The following STAT6 variants were observed in gnomAD, a reference collection of about 807,000 sequenced individuals.
The protein encoded by STAT6 is signal transducer and activator of transcription 6.
STAT6 carries 45 observed loss-of-function variants against 106.3 expected under a neutral mutation model. The ratio of observed to expected loss-of-function variants is 0.42; its 90% CI spans 0.33 to 0.54. The LOEUF (loss-of-function observed/expected upper bound fraction) is 0.54. Ranked by LOEUF, STAT6 falls within the 20% of genes least tolerant of loss-of-function variation. The pLI, the probability that STAT6 is intolerant of heterozygous loss-of-function variation, is 0.06. For synonymous variants in STAT6, 413 were observed against 413.6 expected (o/e 1.00, Z 0.02); for missense variants, 797 against 1,062.2 (o/e 0.75, Z 3.47).
In STAT6 at chr12:57,105,346, G is replaced by C. The variant is rs1394000397; in HGVS notation, c.813-7C>G. 6.2e-7 allele frequency: 1 copy of C among 1,613,764 alleles called. No individual in the cohort carries two copies. Among genetic ancestry groups the C allele is most frequent in the South Asian group, 1.1e-5 (1 of 91,060 alleles). Reference sequence around the variant, plus strand: ...CTTCTCCACCAGGAAGCAACTGGGAGTGAGGAGGACACAAGGGGAGTTGGG... The same window carrying C: ...CTTCTCCACCAGGAAGCAACTGGGACTGAGGAGGACACAAGGGGAGTTGGG... On this transcript the variant is annotated splice_polypyrimidine_tract_variant and splice_region_variant and intron_variant, in intron 8 of 21. Coordinates refer to ENST00000300134, the MANE Select transcript of STAT6 (RefSeq NM_003153.5).
chr12:57,107,405 T>C, intron 3 of STAT6, 91 bp from the exon 4 acceptor site: 1 of 1,373,138 alleles, frequency 7.3e-7, no homozygotes, highest in Middle Eastern at 1.8e-4. Context: ...ACACATATAC[T>C]ATAAGGAAGC....
At chr12:57,103,324 T>C (rs538536326) in intron 11 of STAT6, 27 of 157,940 alleles carry the variant, frequency 1.7e-4, no homozygotes, top group South Asian at 3.4e-4. Flanking sequence ...CCACCATGCC[T>C]GGCTAATTTT....
In STAT6 at chr12:57,108,302, G is replaced by C. The variant is rs1326246734; in HGVS notation, c.-21-3C>G. The C allele has an allele frequency of 6.6e-7, 1 of 1,523,892 alleles. No individual in the cohort carries two copies. The highest frequency in any genetic ancestry group is 9.0e-7 in the Non-Finnish European group (1 of 1,106,974). 94.4% of individuals were successfully genotyped at this position (1,523,892 alleles called of 1,614,324 possible). A position where few individuals can be genotyped will look rare whatever the true frequency, so the allele number is the denominator to read the frequency against. On this transcript the variant is annotated splice_region_variant and splice_polypyrimidine_tract_variant and intron_variant, in intron 1 of 21. Transcript: ENST00000300134. ...ATGATCTGGGACTTGGAGGTTGCCT[G>C]GAGGAGAAAAATAAGGCCACTCTGA...
At chr12:57,100,710 GAAAGAAAGAAAGAAAGAA>G (rs2033848108) in intron 13 of STAT6, 15 of 53,288 alleles carry the variant, frequency 2.8e-4, no homozygotes, top group African/African-American at 9.8e-4. Context: ...GAGAAAGAAA[GAAAGAAAGAAAGAAAGAA>G]AGAAAGAAAG....
rs754927495 is a variant in STAT6, at chr12:57,102,820, T to A, written c.1305+9A>T. 3 of 1,611,842 alleles carry A rather than the reference T, an allele frequency of 1.9e-6. No homozygotes were observed. Among genetic ancestry groups the A allele is most frequent in the Non-Finnish European group, 1.7e-6 (2 of 1,178,220 alleles). On this transcript the variant is annotated intron_variant, in intron 12 of 21. Transcript: ENST00000300134. ...CCCCTGTTCCCTCCAACTCCAGGAC[T>A]TTCCTCACCATCTCAGAGAAGGCAT...
rs1412642420 is a variant in STAT6, at chr12:57,106,840, G to T, written c.340-9C>A. On this transcript the variant is annotated splice_polypyrimidine_tract_variant and intron_variant, in intron 4 of 21. Coordinates refer to ENST00000300134, the MANE Select transcript of STAT6 (RefSeq NM_003153.5). ...ATTGGCAAGTGGCGGAACTACACAG[G>T]AAGGACAGATGCCAAGAAGTGAAAC... The T allele has an allele frequency of 2.5e-6, 4 of 1,613,258 alleles. No individual in the cohort carries two copies. The highest frequency in any genetic ancestry group is 2.2e-5 in the East Asian group (1 of 44,900).
intron 1 of STAT6, among the ~76,000 whole-genome samples, chr12:57,109,221 A>G (rs1370176847): frequency 1.3e-5 from 2 of 152,082 alleles, no homozygotes; most frequent in East Asian, 3.8e-4. Context: ...AAATAAATAA[A>G]TGAAATAAAA....
In STAT6 at chr12:57,095,831, T is replaced by C. The variant is rs1167978206; in HGVS notation, c.*741A>G. ...TAGGCAAAAGCAGATAGACACATGT[T>C]CTATGTGGTCATGCAACTAAGGTGC... On this transcript the variant is annotated 3_prime_UTR_variant, in exon 22 of 22. Coordinates refer to ENST00000300134, the MANE Select transcript of STAT6 (RefSeq NM_003153.5). The C allele has an allele frequency of 6.6e-6, 1 of 152,248 alleles. No individual in the cohort carries two copies. Among genetic ancestry groups the C allele is most frequent in the East Asian group, 1.9e-4 (1 of 5,206 alleles). 9.4% of individuals were successfully genotyped at this position (152,248 alleles called of 1,614,324 possible).
rs1393943468 is a variant in STAT6, at chr12:57,107,641, C to T, written c.219G>A (p.Glu73=). ...TGATGTGTTGCAAGATGGTGCTCCC[C>T]TCCCCCTGCTCTCCCACCGAGGCCT... ...HLQASVGEQG[E]GSTILQHIST... The change falls in exon 3 of 22, where the codon GAG becomes GAA. Residue 73 remains glutamate, a synonymous_variant. Coordinates refer to ENST00000300134, the MANE Select transcript of STAT6 (RefSeq NM_003153.5). The T allele has an allele frequency of 6.2e-7, 1 of 1,613,890 alleles. No individual in the cohort carries two copies. Among genetic ancestry groups the T allele is most frequent in the East Asian group, 2.2e-5 (1 of 44,884 alleles).
intron 1 of STAT6, among the ~76,000 whole-genome samples, chr12:57,108,753 T>C (rs2034423620): frequency 6.6e-6 from 1 of 152,180 alleles, no homozygotes; most frequent in Non-Finnish European, 1.5e-5. Context: ...CTCAATTACA[T>C]AAAAGGTACG....
At chr12:57,102,264 G>A (rs1167288239) in intron 13 of STAT6, 26 bp downstream of exon 13, 1 of 1,612,686 alleles carries the variant, frequency 6.2e-7, no homozygotes, top group East Asian at 2.2e-5. Context: ...CTTGGGGGTG[G>A]GAGGTCCAAA....
chr12:57,104,095 C>A (rs2034123227), intron 11 of STAT6: 1 of 233,094 alleles, frequency 4.3e-6, no homozygotes, highest in Non-Finnish European at 8.6e-6. Flanking sequence ...GTGACTGGGA[C>A]AAACTACTTA....
At chr12:57,102,548 C>T (rs753432528) in intron 12 of STAT6, 52 bp from the exon 13 acceptor site, 1 of 1,580,810 alleles carries the variant, frequency 6.3e-7, no homozygotes, top group Non-Finnish European at 8.6e-7. Flanking sequence ...CTTGTTATTC[C>T]TCGGGCCGGC....
At position 57,106,711 on chromosome 12, in the gene STAT6, C is replaced by G. The variant is rs1592571492; in HGVS notation, c.460G>C (p.Gly154Arg). The G allele has an allele frequency of 1.2e-6, 2 of 1,614,190 alleles. No homozygotes were observed. Among genetic ancestry groups the G allele is most frequent in the Admixed American group, 1.7e-5 (1 of 60,022 alleles). ...CCCCCACCTTGGCCAGCCTCAGCCC[C>G]CTTCTGCAGGGCTTCTCGGAGAAGG... ...IHLLREALQK[G>R]AEAGQVSLHS... The change falls in exon 5 of 22, where the codon GGG (glycine) becomes CGG (arginine). Residue 154 changes from glycine to arginine, a missense_variant. Around this residue, in one of 4 missense-constraint regions of STAT6, gnomAD observed 336 missense variants for 429.8 expected, o/e 0.78. Transcript: ENST00000300134.
At position 57,098,856 on chromosome 12, in the gene STAT6, G is replaced by A. The variant is rs527765739; in HGVS notation, c.2002C>T (p.Pro668Ser). 1.9e-6 allele frequency: 3 copies of A among 1,613,428 alleles called. No homozygotes were observed. The highest frequency in any genetic ancestry group is 3.3e-5 in the Admixed American group (2 of 59,762). The change falls in exon 18 of 22, where the codon CCT (proline) becomes TCT (serine). Residue 668 changes from proline to serine, a missense_variant. Coordinates refer to ENST00000300134, the MANE Select transcript of STAT6 (RefSeq NM_003153.5). ...TPELQMPTMVPSYDLGMAPDS... is the reference protein window; with the variant it reads ...TPELQMPTMVSSYDLGMAPDS... ...GGGGCCATTCCAAGGTCATAAGAAG[G>A]CACCATGGTAGGCATCTGGAGCTCT...
chr12:57,104,396 G>T (rs1366570969), intron 11 of STAT6, 68 bp downstream of exon 11: 17 of 1,558,116 alleles, frequency 1.1e-5, no homozygotes, highest in East Asian at 2.4e-5. Context: ...AGGGTCCAGG[G>T]CCCTTGTGTG....
In STAT6 at chr12:57,105,363, G is replaced by A. The variant is rs887193128; in HGVS notation, c.813-24C>T. 3.1e-6 allele frequency: 5 copies of A among 1,612,032 alleles called. No homozygotes were observed. In the African/African-American group the frequency reaches 5.3e-5, roughly 17 times the overall value. ...AACTGGGAGTGAGGAGGACACAAGG[G>A]GAGTTGGGGGCTAGGTCCCTGCTGG... On this transcript the variant is annotated intron_variant, in intron 8 of 21. Coordinates refer to ENST00000300134, the MANE Select transcript of STAT6 (RefSeq NM_003153.5).
At position 57,106,025 on chromosome 12, in the gene STAT6, C is replaced by A; in HGVS notation, c.680+166G>T. 1.8e-5 allele frequency: 22 copies of A among 1,190,060 alleles called. 1 individual carries two copies. The South Asian group carries it at 3.5e-4, about 19-fold the overall frequency. The allele number at this position is 1,190,060 out of a possible 1,614,324, so 73.7% of individuals were successfully genotyped here. A position where few individuals can be genotyped will look rare whatever the true frequency, so the allele number is the denominator to read the frequency against. ...CCACTAGGCCCACTTGTACAGGATG[C>A]GACCTGAACGACAGTGTGCACAGCC... On this transcript the variant is annotated intron_variant, in intron 7 of 21. Coordinates refer to ENST00000300134, the MANE Select transcript of STAT6 (RefSeq NM_003153.5).
chr12:57,105,979 T>A (rs1309886094), intron 7 of STAT6: 8 of 767,180 alleles, frequency 1.0e-5, no homozygotes, highest in Non-Finnish European at 1.6e-5. Flanking sequence ...CTGGGTTGGA[T>A]GAGTCCCCGC....
Sources: gnomAD v4.1 joint callset for allele counts (sites outside exome capture counted in the v4.1 genomes callset) on GRCh38, gnomAD v4.1.1 for gene constraint, gnomAD v4.1.1 regional missense constraint, MANE v1.5 for transcripts, NCBI Gene and HGNC (gene_info 2026-07-23, HGNC 2026-07-21) for gene names.